The following RBFOX3 variants were observed in gnomAD, a reference collection of about 807,000 sequenced individuals.
The protein encoded by RBFOX3 is RNA binding protein fox-1 homolog 3.
In RBFOX3, 17 loss-of-function variants were observed where a neutral mutation model predicts 48.7. The observed-to-expected ratio is 0.35, with a 90% CI of 0.24 to 0.52. RBFOX3 has a LOEUF of 0.52. Among genes scored for constraint, RBFOX3 ranks in the 20% least tolerant of loss-of-function variants. The probability of loss-of-function intolerance (pLI) is 0.94; values close to 1 mark genes in which losing one functional copy is unlikely to be tolerated. For synonymous variants in RBFOX3, 212 were observed against 209.5 expected (o/e 1.01, Z -0.10); for missense variants, 382 against 497.5 (o/e 0.77, Z 2.21).
At chr17:79,659,524 G>C in the RBFOX3 span, among the ~76,000 whole-genome samples, 1 of 151,460 alleles carries the variant, frequency 6.6e-6, no homozygotes, top group Non-Finnish European at 1.5e-5. Context: ...GGGAGCGAGA[G>C]TGGGAAGAAG....
chr17:79,126,519 G>A (rs1199644847), intron 4 of RBFOX3, among the ~76,000 whole-genome samples: 1 of 152,116 alleles, frequency 6.6e-6, no homozygotes, highest in South Asian at 2.1e-4. Context: ...GATGATGGCT[G>A]GATCAGGTGA....
rs1010261176 is a variant in RBFOX3 at position 79,589,133 on chromosome 17, G to A, written c.-320+21693C>T. On this transcript the variant is annotated intron_variant, in intron 1 of 14. Coordinates refer to ENST00000693108, the MANE Select transcript of RBFOX3 (RefSeq NM_001350451.2). ...GGTGGGGAACTTAAGGAACTGCCTG[G>A]GAGGGGGCATTAGAGCTGGGGCTAC... is the stretch of plus-strand genomic sequence containing the variant. Among the ~76,000 whole-genome samples, 966 of 152,366 alleles carry A rather than the reference G, an allele frequency of 6.3e-3. 5 individuals carry two copies. The highest frequency in any genetic ancestry group is 0.01 in the Middle Eastern group (3 of 294).
At chr17:79,225,291 C>CTTTTTTTTTTT (rs58461275) in intron 4 of RBFOX3, among the ~76,000 whole-genome samples, 5 of 128,088 alleles carry the variant, frequency 3.9e-5, no homozygotes, top group Middle Eastern at 3.8e-3. Context: ...TCCCTCCATT[C>CTTTTTTTTTTT]TTTTTTTTTT....
At chr17:79,268,318 G>C (rs1242129434) in intron 3 of RBFOX3, among the ~76,000 whole-genome samples, 1 of 152,050 alleles carries the variant, frequency 6.6e-6, no homozygotes, top group Non-Finnish European at 1.5e-5. Flanking sequence ...TTTCATTCCA[G>C]AAACTGCCCC....
chr17:79,408,212 T>G (rs902113034), intron 2 of RBFOX3, among the ~76,000 whole-genome samples: 4 of 151,996 alleles, frequency 2.6e-5, no homozygotes, highest in African/African-American at 9.7e-5. Flanking sequence ...AGACACACAC[T>G]CGATGGCTGG....
chr17:79,426,923 C>T (rs945497589), intron 2 of RBFOX3, among the ~76,000 whole-genome samples: 7 of 152,218 alleles, frequency 4.6e-5, no homozygotes, highest in Non-Finnish European at 4.4e-5. Context: ...AGGCTGGTCT[C>T]GAACTCCTGA....
chr17:79,366,934 G>A (rs1053309250), intron 2 of RBFOX3, among the ~76,000 whole-genome samples: 3 of 152,198 alleles, frequency 2.0e-5, no homozygotes, highest in Non-Finnish European at 4.4e-5. Flanking sequence ...TCGCCCAAGG[G>A]CCCTGGGGAG....
intron 2 of RBFOX3, among the ~76,000 whole-genome samples, chr17:79,420,933 C>T (rs112730436): frequency 1.3e-5 from 2 of 152,296 alleles, no homozygotes; most frequent in African/African-American, 2.4e-5. Context: ...TCAGGTCAGC[C>T]ATGTACACCT....
the RBFOX3 span, among the ~76,000 whole-genome samples, chr17:79,640,282 A>C: frequency 6.6e-6 from 1 of 152,172 alleles, no homozygotes; most frequent in Admixed American, 6.5e-5. Context: ...AAATTATAAA[A>C]CACTGATGCA....
Position 79,242,116 on chromosome 17 carries a change from T to C in RBFOX3, c.-73-6311A>G, listed in dbSNP as rs528310127. On this transcript the variant is annotated intron_variant, in intron 3 of 14. Coordinates refer to ENST00000693108, the MANE Select transcript of RBFOX3 (RefSeq NM_001350451.2). This position sits in a 1 kb window ranked among gnomAD's most constrained non-coding sequence, Gnocchi z 5.8. ...TAGTTTATGGTCAGAGTAGATTTAT[T>C]TGGCATTGTACGAGTTCCTGCAGCA... Among the ~76,000 whole-genome samples, 12 of 152,330 alleles carry C rather than the reference T, an allele frequency of 7.9e-5. No individual in the cohort carries two copies. Among genetic ancestry groups the C allele is most frequent in the African/African-American group, 2.9e-4 (12 of 41,564 alleles).
chr17:79,481,323 AT>A lies in RBFOX3; in HGVS notation c.-175+1130del, dbSNP rs2078749930. Among the ~76,000 whole-genome samples, 1 of 152,064 alleles carries A rather than the reference AT, an allele frequency of 6.6e-6. No homozygotes were observed. Among genetic ancestry groups the A allele is most frequent in the South Asian group, 2.1e-4 (1 of 4,812 alleles). ...GGGGGTCGCTGACCCACAGCTTTGC[AT>A]TGTCTATCAGCAGGGAATGGGGCTG... is the stretch of plus-strand genomic sequence containing the variant. On this transcript the variant is annotated intron_variant, in intron 2 of 14. Coordinates refer to ENST00000693108, the MANE Select transcript of RBFOX3 (RefSeq NM_001350451.2). The surrounding 1 kb of genome is among the most constrained non-coding windows in gnomAD (Gnocchi z 5.4).
intron 4 of RBFOX3, among the ~76,000 whole-genome samples, chr17:79,173,631 G>A (rs998057471): frequency 5.3e-5 from 8 of 152,204 alleles, no homozygotes; most frequent in Admixed American, 3.9e-4. Flanking sequence ...GGCACTGGAT[G>A]CGCCAGCGGG....
chr17:79,584,866 C>T (rs1220876231), intron 1 of RBFOX3, among the ~76,000 whole-genome samples: 1 of 151,956 alleles, frequency 6.6e-6, no homozygotes, highest in Admixed American at 6.6e-5. Context: ...CCCGGGTTCA[C>T]GCCATTCTCC....
chr17:79,539,153 A>G (rs782281961), intron 1 of RBFOX3, among the ~76,000 whole-genome samples: 2 of 152,148 alleles, frequency 1.3e-5, no homozygotes, highest in Non-Finnish European at 2.9e-5. Flanking sequence ...GGAGTCCGAG[A>G]CCAGCCTGGG....
chr17:79,522,699 G>T (rs2086273446), intron 1 of RBFOX3, among the ~76,000 whole-genome samples: 1 of 152,066 alleles, frequency 6.6e-6, no homozygotes, highest in Admixed American at 6.6e-5. Flanking sequence ...GGATGCCAAA[G>T]CAGGCAGATT....
intron 4 of RBFOX3, among the ~76,000 whole-genome samples, chr17:79,167,787 G>A (rs570210691): frequency 5.5e-4 from 84 of 152,338 alleles, no homozygotes; most frequent in Non-Finnish European, 8.8e-4. Flanking sequence ...CCCCGGAGCC[G>A]GAGCACGGGG....
Position 79,244,513 on chromosome 17 carries a change from C to T in RBFOX3, c.-73-8708G>A, listed in dbSNP as rs543499776. Among the ~76,000 whole-genome samples, 504 of 145,744 alleles carry T rather than the reference C, an allele frequency of 3.5e-3. 5 individuals are homozygous for T. Among genetic ancestry groups the T allele is most frequent in the African/African-American group, 0.012 (467 of 38,992 alleles). On this transcript the variant is annotated intron_variant, in intron 3 of 14. Coordinates refer to ENST00000693108, the MANE Select transcript of RBFOX3 (RefSeq NM_001350451.2). ...CTCCCCACCTTCAGGGCAGTGCCAGCGAGGGCTGCGGGCGCACAGTGGGCC... is the reference window on the plus strand; with the variant it reads ...CTCCCCACCTTCAGGGCAGTGCCAGTGAGGGCTGCGGGCGCACAGTGGGCC...
Position 79,115,685 on chromosome 17 carries a change from G to T in RBFOX3, c.31C>A (p.Pro11Thr). 1 of 574,782 alleles carries T rather than the reference G, an allele frequency of 1.7e-6. No homozygotes were observed. Among genetic ancestry groups the T allele is most frequent in the Non-Finnish European group, 2.9e-6 (1 of 347,146 alleles). 35.6% of individuals were successfully genotyped at this position (574,782 alleles called of 1,614,324 possible). A position where few individuals can be genotyped will look rare whatever the true frequency, so the allele number is the denominator to read the frequency against. Reference sequence around the variant, plus strand: ...GGGATGCCGTTCTGTGGCGGAGGGGGGTACTGGGCGGGGGGGTAGGGCTGG... The same window carrying T: ...GGGATGCCGTTCTGTGGCGGAGGGGTGTACTGGGCGGGGGGGTAGGGCTGG... Reference protein sequence around the residue: MAQPYPPAQYPPPPQNGIPAE... With the variant: MAQPYPPAQYTPPPQNGIPAE... Residue 11 changes from proline (P) to threonine (T), a missense_variant, in exon 5 of 15, where the codon CCC becomes ACC. Physicochemically the swap from Pro to Thr is conservative, Grantham distance 38. This residue lies in a region of RBFOX3 where 118 missense variants were observed against 132.1 expected (regional missense o/e 0.89). Coordinates refer to ENST00000693108, the MANE Select transcript of RBFOX3 (RefSeq NM_001350451.2).
intron 1 of RBFOX3, among the ~76,000 whole-genome samples, chr17:79,549,809 C>T (rs1490410312): frequency 6.6e-6 from 1 of 152,198 alleles, no homozygotes; most frequent in African/African-American, 2.4e-5. Context: ...CAGGCCTCAG[C>T]CTGGTCAGAG....
Sources: allele counts gnomAD v4.1 joint callset (sites outside exome capture counted in the v4.1 genomes callset), GRCh38; gene constraint gnomAD v4.1.1; regional missense constraint gnomAD v4.1.1; non-coding constraint Gnocchi (gnomAD v3.1); transcripts MANE v1.5; gene names NCBI Gene and HGNC (gene_info 2026-07-23, HGNC 2026-07-21).